Variants in TMEM232 observed in about 807,000 individuals in gnomAD.
The protein encoded by TMEM232 is transmembrane protein 232.
In TMEM232, 80 loss-of-function variants were observed where a neutral mutation model predicts 78.8. The observed-to-expected ratio is 1.01, with a 90% CI of 0.85 to 1.22. The LOEUF is 1.22. Ranked by LOEUF, TMEM232 falls within the 50% of genes most tolerant of loss-of-function variation. The pLI is 0.00. For synonymous variants in TMEM232, 297 were observed against 254.3 expected (o/e 1.17, Z -1.60); for missense variants, 881 against 742.2 (o/e 1.19, Z -2.17).
upstream of TMEM232, among the ~76,000 whole-genome samples, chr5:110,728,581 A>G (rs538360547): frequency 1.3e-5 from 2 of 151,676 alleles, no homozygotes; most frequent in African/African-American, 2.4e-5. Flanking sequence ...AAAAATGACA[A>G]GAATATTTAG....
At chr5:110,392,599 G>C (rs1755239210) in intron 3 of TMEM232, among the ~76,000 whole-genome samples, 1 of 152,152 alleles carries the variant, frequency 6.6e-6, no homozygotes, top group African/African-American at 2.4e-5. Context: ...TTTTCACTGT[G>C]TCGTCACATG....
chr5:110,663,773 G>GTATA (rs759440761), intron 2 of TMEM232, among the ~76,000 whole-genome samples: 4 of 147,418 alleles, frequency 2.7e-5, no homozygotes, highest in Admixed American at 6.8e-5. Context: ...GTGTGTGTGT[G>GTATA]TATATACAAT....
chr5:110,450,149 T>C (rs1024207274), intron 12 of TMEM232, among the ~76,000 whole-genome samples: 7 of 152,174 alleles, frequency 4.6e-5, no homozygotes, highest in African/African-American at 1.4e-4. Context: ...TCCACCATAA[T>C]CATAAGTTTC....
At chr5:110,513,778 T>C (rs1178409363) in intron 12 of TMEM232, 1 of 166,218 alleles carries the variant, frequency 6.0e-6, no homozygotes, top group Non-Finnish European at 1.5e-5. Context: ...AAAAATAGTA[T>C]GGAAGTTCCT....
intron 1 of TMEM232, among the ~76,000 whole-genome samples, chr5:110,690,986 T>C (rs1364287668): frequency 6.8e-6 from 1 of 147,016 alleles, no homozygotes; most frequent in Non-Finnish European, 1.5e-5. Context: ...GGTGTGGGGG[T>C]AGGGGAGGGA....
At chr5:110,608,838 G>A (rs896339524) in intron 8 of TMEM232, among the ~76,000 whole-genome samples, 4 of 152,014 alleles carry the variant, frequency 2.6e-5, no homozygotes, top group African/African-American at 9.7e-5. Flanking sequence ...TACAGCACTA[G>A]CTTCTTTGTG....
intron 1 of TMEM232, among the ~76,000 whole-genome samples, chr5:110,680,134 C>T (rs1190589394): frequency 6.6e-6 from 1 of 152,016 alleles, no homozygotes; most frequent in East Asian, 1.9e-4. Flanking sequence ...TGCAGTGGCT[C>T]ACGTCTGTAA....
At chr5:110,444,880 T>C (rs752824682) in intron 12 of TMEM232, among the ~76,000 whole-genome samples, 41 of 152,230 alleles carry the variant, frequency 2.7e-4, no homozygotes, top group Middle Eastern at 3.4e-3. Context: ...GGACTATACC[T>C]CTCATTTTGT....
chr5:110,657,384 A>T (rs1375836172), intron 2 of TMEM232, among the ~76,000 whole-genome samples: 6 of 149,312 alleles, frequency 4.0e-5, no homozygotes, highest in South Asian at 2.1e-4. Flanking sequence ...TATCTATCTG[A>T]GTGTGTGTGT....
chr5:110,427,467 G>A (rs1474566259), intron 12 of TMEM232, among the ~76,000 whole-genome samples: 2 of 151,944 alleles, frequency 1.3e-5, no homozygotes, highest in African/African-American at 4.8e-5. Flanking sequence ...CATTAAATGA[G>A]ATGTAGAATT....
intron 1 of TMEM232, among the ~76,000 whole-genome samples, chr5:110,699,688 T>A (rs917201469): frequency 1.3e-5 from 2 of 152,112 alleles, no homozygotes; most frequent in African/African-American, 4.8e-5. Context: ...TCCACTGTTT[T>A]GCCTTCTCTT....
chr5:110,463,560 C>T (rs142481897), intron 12 of TMEM232, among the ~76,000 whole-genome samples: 86 of 152,206 alleles, frequency 5.7e-4, no homozygotes, highest in African/African-American at 2.0e-3. Context: ...GCTTCAAACC[C>T]TAAATATATT....
At chr5:110,409,601 T>C (rs1230105793) in intron 2 of TMEM232, among the ~76,000 whole-genome samples, 3 of 152,198 alleles carry the variant, frequency 2.0e-5, no homozygotes, top group African/African-American at 7.2e-5. Context: ...AGGTTTACTC[T>C]TTTCAAAATG....
intron 2 of TMEM232, among the ~76,000 whole-genome samples, chr5:110,664,742 C>G (rs557088620): frequency 1.7e-3 from 253 of 152,290 alleles, no homozygotes; most frequent in African/African-American, 5.7e-3. Flanking sequence ...TGCATCCTCA[C>G]ACAGAGGAGA....
At chr5:110,408,706 C>T (rs1755883313) in intron 2 of TMEM232, among the ~76,000 whole-genome samples, 1 of 151,824 alleles carries the variant, frequency 6.6e-6, no homozygotes, top group Non-Finnish European at 1.5e-5. Context: ...AAATAGAAGA[C>T]CCAAATAAGT....
At chr5:110,725,425 G>A (rs182298271) in intron 1 of TMEM232, among the ~76,000 whole-genome samples, 29 of 152,304 alleles carry the variant, frequency 1.9e-4, no homozygotes, top group African/African-American at 7.0e-4. Flanking sequence ...CACTTTACCA[G>A]GAGCTCTGGA....
intron 12 of TMEM232, among the ~76,000 whole-genome samples, chr5:110,478,159 C>T (rs973240811): frequency 6.6e-6 from 1 of 151,882 alleles, no homozygotes; most frequent in Non-Finnish European, 1.5e-5. Flanking sequence ...ATTTTTCCTG[C>T]GTTAATCATC....
chr5:110,495,796 C>T (rs1765576839), intron 12 of TMEM232, among the ~76,000 whole-genome samples: 2 of 150,378 alleles, frequency 1.3e-5, no homozygotes, highest in South Asian at 4.2e-4. Context: ...GTTACTAGAA[C>T]TAAAATGAAA....
intron 12 of TMEM232, among the ~76,000 whole-genome samples, chr5:110,438,231 G>T (rs929299620): frequency 1.3e-5 from 2 of 151,590 alleles, no homozygotes; most frequent in East Asian, 3.9e-4. Context: ...CTTTTCTTAG[G>T]CTTTTTTTCT....
Sources: allele counts gnomAD v4.1 joint callset (sites outside exome capture counted in the v4.1 genomes callset), GRCh38; gene constraint gnomAD v4.1.1; transcripts MANE v1.5; gene names NCBI Gene and HGNC (gene_info 2026-07-23, HGNC 2026-07-21).